DENND10: variants seen among roughly 807,000 people sequenced by gnomAD.
The protein encoded by DENND10 is DENN domain containing 10.
Under a neutral mutation model 43.6 loss-of-function variants are expected in DENND10, and 24 were observed. The ratio of observed to expected loss-of-function variants is 0.55; its 90% CI spans 0.40 to 0.77. DENND10 has a LOEUF of 0.77. Among genes scored for constraint, DENND10 ranks in the 30% least tolerant of loss-of-function variants. The pLI is 0.00. For synonymous variants in DENND10, 125 were observed against 157.6 expected (o/e 0.79, Z 1.55); for missense variants, 303 against 429.9 (o/e 0.70, Z 2.61).
At chr10:119,115,590 C>T (rs925158269) in intron 3 of DENND10, among the ~76,000 whole-genome samples, 19 of 140,218 alleles carry the variant, frequency 1.4e-4, no homozygotes, top group African/African-American at 4.7e-4. Flanking sequence ...GGGGTTTCAC[C>T]GTTTTAGCCG....
chr10:119,111,866 T>C lies in DENND10; in HGVS notation c.270T>C (p.Ile90=). The C allele has an allele frequency of 6.2e-7, 1 of 1,613,194 alleles. No individual in the cohort carries two copies. The highest frequency in any genetic ancestry group is 8.5e-7 in the Non-Finnish European group (1 of 1,179,232). The part of the protein sequence containing the change: ...SILKKVTHFS[I]VLTAKDFNPE... ...TTGAACAGGTGACTCATTTTTCTAT[T>C]GTCCTGACCGCCAAAGATTTTAACC... Residue 90 remains isoleucine, a synonymous_variant, in exon 3 of 9, where the codon ATT becomes ATC. Transcript: ENST00000361432.
At position 119,132,363 on chromosome 10, in the gene DENND10, G is replaced by A. The variant is rs1338901737; in HGVS notation, c.803-152G>A. 2.9e-6 allele frequency: 2 copies of A among 695,290 alleles called. No homozygotes were observed. Among genetic ancestry groups the A allele is most frequent in the Non-Finnish European group, 5.2e-6 (2 of 381,970 alleles). The allele number at this position is 695,290 out of a possible 1,614,324, so 43.1% of individuals were successfully genotyped here. ...ATTATGCCTTTCCTCCCAGCATGTT[G>A]TCATATTTGTGTCTAGTGATAAAAT... On this transcript the variant is annotated intron_variant, in intron 7 of 8. Transcript: ENST00000361432. This position sits in a 1 kb window ranked among gnomAD's most constrained non-coding sequence, Gnocchi z 4.2.
At chr10:119,115,184 C>T (rs1845189411) in intron 3 of DENND10, among the ~76,000 whole-genome samples, 1 of 151,988 alleles carries the variant, frequency 6.6e-6, no homozygotes, top group Admixed American at 6.6e-5. Flanking sequence ...CTCCTGTTCC[C>T]AGACTCCAGT....
intron 4 of DENND10, among the ~76,000 whole-genome samples, chr10:119,119,557 TGA>T (rs1324326068): frequency 6.6e-6 from 1 of 151,824 alleles, no homozygotes; most frequent in Non-Finnish European, 1.5e-5. Flanking sequence ...GATTACAGTG[TGA>T]GACACTGTGC....
intron 4 of DENND10, 82 bp from the exon 5 acceptor site, chr10:119,120,259 A>T: frequency 1.1e-6 from 1 of 902,720 alleles, no homozygotes; most frequent in Non-Finnish European, 1.7e-6. Flanking sequence ...AAAAAAAAAG[A>T]AAAAAGAAAA....
chr10:119,110,556 C>A (rs896719936), intron 2 of DENND10, among the ~76,000 whole-genome samples: 2 of 151,998 alleles, frequency 1.3e-5, no homozygotes, highest in Non-Finnish European at 2.9e-5. Flanking sequence ...CTCCTGGGTT[C>A]AAGCAATTCC....
intron 3 of DENND10, chr10:119,114,377 G>A (rs564566407): frequency 2.8e-4 from 43 of 152,306 alleles, no homozygotes; most frequent in African/African-American, 9.9e-4. Flanking sequence ...TCCATTTCTG[G>A]TGAGGAGCAG....
At chr10:119,121,108 C>T (rs2133495298) in intron 5 of DENND10, among the ~76,000 whole-genome samples, 1 of 152,064 alleles carries the variant, frequency 6.6e-6, no homozygotes, top group South Asian at 2.1e-4. Flanking sequence ...AGCCACTGTG[C>T]CCGGCCAAAA....
At chr10:119,121,550 G>A (rs1304019419) in intron 5 of DENND10, among the ~76,000 whole-genome samples, 1 of 149,476 alleles carries the variant, frequency 6.7e-6, no homozygotes, top group Non-Finnish European at 1.5e-5. Context: ...CACCTCCCGT[G>A]TTCAAGTAAT....
chr10:119,115,450 G>C (rs1424297256), intron 3 of DENND10, among the ~76,000 whole-genome samples: 3 of 105,534 alleles, frequency 2.8e-5, no homozygotes, highest in East Asian at 3.0e-4. Context: ...TGCAGTGGCG[G>C]GATCTCGGCT....
At chr10:119,119,966 C>G (rs1429181653) in intron 4 of DENND10, among the ~76,000 whole-genome samples, 1 of 151,986 alleles carries the variant, frequency 6.6e-6, no homozygotes, top group Non-Finnish European at 1.5e-5. Context: ...TAATTTTGTA[C>G]GTCAGGTGCT....
chr10:119,123,623 T>TC (rs1200625810), intron 6 of DENND10, 54 bp downstream of exon 6: 6 of 1,016,830 alleles, frequency 5.9e-6, no homozygotes, highest in Non-Finnish European at 8.8e-6. Flanking sequence ...TTTTTTTTTT[T>TC]CCTGAGACGG....
intron 3 of DENND10, among the ~76,000 whole-genome samples, chr10:119,113,725 C>T (rs1392919239): frequency 6.7e-6 from 1 of 149,982 alleles, no homozygotes; most frequent in Non-Finnish European, 1.5e-5. Context: ...TATCATAAGA[C>T]TATCTTCTCA....
chr10:119,121,824 T>C (rs1470870864), intron 5 of DENND10, among the ~76,000 whole-genome samples: 1 of 152,150 alleles, frequency 6.6e-6, no homozygotes, highest in East Asian at 1.9e-4. Flanking sequence ...TTTTGTAAGA[T>C]ACCTTAAATT....
At chr10:119,127,899 G>C (rs1845904137) in intron 6 of DENND10, among the ~76,000 whole-genome samples, 1 of 152,118 alleles carries the variant, frequency 6.6e-6, no homozygotes, top group Non-Finnish European at 1.5e-5. Flanking sequence ...CAAAGTGCTG[G>C]GATTACAGGC....
At chr10:119,118,870 G>A (rs1376299127) in intron 4 of DENND10, among the ~76,000 whole-genome samples, 1 of 125,924 alleles carries the variant, frequency 7.9e-6, no homozygotes, top group Non-Finnish European at 1.6e-5. Flanking sequence ...TGAGTCAAGA[G>A]TCTCACTGTG....
Position 119,105,877 on chromosome 10 carries a change from C to T in DENND10, c.55+1680C>T, listed in dbSNP as rs376772419. Among the ~76,000 whole-genome samples, 10 of 151,974 alleles carry T rather than the reference C, an allele frequency of 6.6e-5. No individual in the cohort carries two copies. The East Asian group carries it at 1.2e-3, about 18-fold the overall frequency. ...AGCATGGGTGACAGAGTGAGACCCC[C>T]CCCAACCCCGTCTCAAAAAAAGAAA... On this transcript the variant is annotated intron_variant, in intron 1 of 8. Transcript: ENST00000361432.
chr10:119,132,685 A>G lies in DENND10; in HGVS notation c.897+76A>G, dbSNP rs1331936737. 1.6e-6 allele frequency: 2 copies of G among 1,216,996 alleles called. No homozygotes were observed. Among genetic ancestry groups the G allele is most frequent in the Non-Finnish European group, 2.4e-6 (2 of 818,404 alleles). The allele number at this position is 1,216,996 out of a possible 1,614,324, so 75.4% of individuals were successfully genotyped here. A position where few individuals can be genotyped will look rare whatever the true frequency, so the allele number is the denominator to read the frequency against. ...GGTGGTGTGCGGCAGAGCTGTGCACATAAGCAGAGTGGGGGGCTGTGGTAG... is the reference window on the plus strand; with the variant it reads ...GGTGGTGTGCGGCAGAGCTGTGCACGTAAGCAGAGTGGGGGGCTGTGGTAG... On this transcript the variant is annotated intron_variant, in intron 8 of 8. Transcript: ENST00000361432. This position sits in a 1 kb window ranked among gnomAD's most constrained non-coding sequence, Gnocchi z 4.2.
intron 7 of DENND10, among the ~76,000 whole-genome samples, chr10:119,131,564 G>A (rs1352548971): frequency 6.6e-6 from 1 of 152,202 alleles, no homozygotes; most frequent in Non-Finnish European, 1.5e-5. Context: ...TTTTAGATGG[G>A]ATTACTGATT....
Sources: allele counts gnomAD v4.1 joint callset (sites outside exome capture counted in the v4.1 genomes callset), GRCh38; gene constraint gnomAD v4.1.1; non-coding constraint Gnocchi (gnomAD v3.1); transcripts MANE v1.5; gene names NCBI Gene and HGNC (gene_info 2026-07-23, HGNC 2026-07-21).